Variants in GNG2 observed in about 807,000 individuals in gnomAD.
GNG2 encodes the protein guanine nucleotide-binding protein G(I)/G(S)/G(O) subunit gamma-2.
Under a neutral mutation model 5.5 loss-of-function variants are expected in GNG2, and 5 were observed. The observed-to-expected ratio is 0.91, with a 90% confidence interval of 0.48 to 1.92. GNG2 has a LOEUF of 1.92. Among genes scored for constraint, GNG2 ranks in the 30% most tolerant of loss-of-function variants. The pLI, the probability that GNG2 is intolerant of heterozygous loss-of-function variation, is 0.01. For synonymous variants in GNG2, 28 were observed against 32.0 expected (o/e 0.88, Z 0.42); for missense variants, 55 against 88.4 (o/e 0.62, Z 1.52).
At chr14:51,906,846 C>T (rs960714592) in intron 2 of GNG2, among the ~76,000 whole-genome samples, 1 of 146,988 alleles carries the variant, frequency 6.8e-6, no homozygotes, top group Non-Finnish European at 1.5e-5. Flanking sequence ...AGCTCCGCCT[C>T]CAGAGTTCAC....
chr14:51,939,948 C>G (rs1888218853), intron 2 of GNG2: 1 of 152,232 alleles, frequency 6.6e-6, no homozygotes, highest in Admixed American at 6.5e-5. Flanking sequence ...CTGACCTAAT[C>G]TAAGCCTCAA....
At chr14:51,951,149 G>A (rs769156476) in intron 3 of GNG2, among the ~76,000 whole-genome samples, 2 of 152,138 alleles carry the variant, frequency 1.3e-5, no homozygotes, top group Non-Finnish European at 2.9e-5. Context: ...AAGGCTAAAT[G>A]TCCGTATTTT....
intron 2 of GNG2, among the ~76,000 whole-genome samples, chr14:51,905,548 G>C (rs1362545055): frequency 6.6e-6 from 1 of 152,148 alleles, no homozygotes; most frequent in Non-Finnish European, 1.5e-5. Context: ...ATCCACCTTA[G>C]TTACCTTTAC....
At chr14:51,951,771 C>A in intron 3 of GNG2, 1 of 625,646 alleles carries the variant, frequency 1.6e-6, no homozygotes, top group Non-Finnish European at 2.8e-6. Flanking sequence ...TATTAGAACA[C>A]ACTCATTTAC....
chr14:51,851,013 T>C (rs1299333745), intron 2 of GNG2, among the ~76,000 whole-genome samples: 1 of 152,210 alleles, frequency 6.6e-6, no homozygotes, highest in Non-Finnish European at 1.5e-5. Context: ...ATCACCTGCA[T>C]AGGCAATGCC....
intron 2 of GNG2, chr14:51,916,030 T>C (rs2140212979): frequency 6.5e-6 from 1 of 152,764 alleles, no homozygotes; most frequent in Middle Eastern, 3.4e-3. Context: ...ACCTCAAAGA[T>C]AAACTCCTTG....
chr14:51,928,922 A>G (rs1417626669), intron 2 of GNG2, among the ~76,000 whole-genome samples: 1 of 152,170 alleles, frequency 6.6e-6, no homozygotes, highest in African/African-American at 2.4e-5. Context: ...ACTAGTGAGA[A>G]CTAAGCCGTA....
At chr14:51,840,954 T>C (rs1220940872) in intron 2 of GNG2, among the ~76,000 whole-genome samples, 1 of 152,220 alleles carries the variant, frequency 6.6e-6, no homozygotes, top group Non-Finnish European at 1.5e-5. Flanking sequence ...ACAGCGAATC[T>C]AGATTAATTG....
At chr14:51,920,124 A>G (rs1384882396) in intron 2 of GNG2, among the ~76,000 whole-genome samples, 1 of 152,140 alleles carries the variant, frequency 6.6e-6, no homozygotes, top group African/African-American at 2.4e-5. Flanking sequence ...CCAATGTTGG[A>G]TCAAAAATAT....
chr14:51,831,984 T>A (rs79503838), intron 2 of GNG2, among the ~76,000 whole-genome samples: 1,737 of 152,264 alleles, frequency 0.011, 29 homozygotes, highest in African/African-American at 0.039. Context: ...TTTTAACTCA[T>A]TAAAATGATG....
chr14:51,868,372 A>G (rs937500313), intron 1 of GNG2, among the ~76,000 whole-genome samples: 1 of 152,234 alleles, frequency 6.6e-6, no homozygotes, highest in African/African-American at 2.4e-5. Flanking sequence ...TAATTAAATC[A>G]GAATCAACCA....
intron 2 of GNG2, among the ~76,000 whole-genome samples, chr14:51,944,920 C>T (rs879786499): frequency 4.6e-5 from 7 of 152,082 alleles, no homozygotes; most frequent in Admixed American, 4.6e-4. Context: ...ATATGAGACA[C>T]TTAAAACTCA....
chr14:51,875,774 A>AT (rs1168369663), intron 1 of GNG2, among the ~76,000 whole-genome samples: 1 of 150,810 alleles, frequency 6.6e-6, no homozygotes, highest in Non-Finnish European at 1.5e-5. Context: ...ATAATATTTT[A>AT]TATTTTTTAC....
At chr14:51,827,855 G>C (rs568200616) in intron 2 of GNG2, 2 of 637,084 alleles carry the variant, frequency 3.1e-6, no homozygotes, top group South Asian at 1.8e-5. Flanking sequence ...AGAGGAAAAC[G>C]TTGAAGTGTT....
Position 51,966,808 on chromosome 14 carries a change from A to G in GNG2, c.*121A>G. 1 of 811,488 alleles carries G rather than the reference A, an allele frequency of 1.2e-6. No individual in the cohort carries two copies. The highest frequency in any genetic ancestry group is 2.0e-6 in the Non-Finnish European group (1 of 493,444). The allele number at this position is 811,488 out of a possible 1,614,324, so 50.3% of individuals were successfully genotyped here. On this transcript the variant is annotated 3_prime_UTR_variant, in exon 4 of 4. Transcript: ENST00000556766. ...GAGAGCGAGGAGAACCATTCTGGAA[A>G]CTCTAGGCTATGCATGTTTAAAGAT... is the stretch of plus-strand genomic sequence containing the variant.
At chr14:51,913,950 T>C (rs1886449848) in intron 2 of GNG2, among the ~76,000 whole-genome samples, 1 of 152,226 alleles carries the variant, frequency 6.6e-6, no homozygotes, top group South Asian at 2.1e-4. Flanking sequence ...TTCATACATA[T>C]GTTTCATTTC....
At chr14:51,856,106 A>G (rs1432165633), upstream of GNG2, among the ~76,000 whole-genome samples, 3 of 152,178 alleles carry the variant, frequency 2.0e-5, no homozygotes, top group Non-Finnish European at 2.9e-5. Context: ...TGAACCTGGG[A>G]GGTGGAGGTT....
intron 2 of GNG2, among the ~76,000 whole-genome samples, chr14:51,947,347 T>G (rs977859624): frequency 2.6e-5 from 4 of 152,142 alleles, no homozygotes; most frequent in African/African-American, 7.2e-5. Context: ...AAAAATAGAT[T>G]ATCCTGGATT....
intron 2 of GNG2, among the ~76,000 whole-genome samples, chr14:51,833,971 G>A (rs1368651008): frequency 2.1e-4 from 6 of 28,066 alleles, no homozygotes; most frequent in Non-Finnish European, 1.6e-3. Context: ...TTCAACAATA[G>A]CATCAGACTG....
Sources: gnomAD v4.1 joint callset for allele counts (sites outside exome capture counted in the v4.1 genomes callset) on GRCh38, gnomAD v4.1.1 for gene constraint, MANE v1.5 for transcripts, NCBI Gene and HGNC (gene_info 2026-07-23, HGNC 2026-07-21) for gene names.